GALNT2: variants seen among roughly 807,000 people sequenced by gnomAD.
GALNT2 encodes the protein UDP-GalNAc:polypeptide N-acetylgalactosaminyltransferase 2.
In GALNT2, 31 loss-of-function variants were observed where a neutral mutation model predicts 81.4. The ratio of observed to expected loss-of-function variants is 0.38; its 90% CI spans 0.29 to 0.51. The LOEUF (loss-of-function observed/expected upper bound fraction) is 0.51, where lower values mean the gene tolerates loss of function less well. Ranked by LOEUF, GALNT2 falls within the 20% of genes least tolerant of loss-of-function variation. GALNT2 has a pLI of 0.87. For synonymous variants in GALNT2, 303 were observed against 287.4 expected, an observed-to-expected ratio of 1.05 and a Z score of -0.55; for missense variants, 629 against 765.7, an observed-to-expected ratio of 0.82 and a Z score of 2.11.
intron 3 of GALNT2, among the ~76,000 whole-genome samples, chr1:230,235,796 ATCGT>A (rs972439176): frequency 1.1e-4 from 16 of 152,264 alleles, no homozygotes; most frequent in African/African-American, 3.9e-4. Flanking sequence ...TTTTGCCGAA[ATCGT>A]TCATCTCTCA....
rs183359141 is a variant in GALNT2, at chr1:230,153,790, C to T, written c.127-24428C>T. Among the ~76,000 whole-genome samples the T allele has an allele frequency of 1.9e-4, 29 of 152,332 alleles. No individual in the cohort carries two copies. The East Asian group carries it at 4.8e-3, about 25-fold the overall frequency. On this transcript the variant is annotated intron_variant, in intron 1 of 15. Coordinates refer to ENST00000366672, the MANE Select transcript of GALNT2 (RefSeq NM_004481.5). Reference sequence around the variant, plus strand: ...ACAGCCTTTGTTCCCACTCCTGGGCCTCCTGGCGTGGCCTCGGGGGCCCCT... The same window carrying T: ...ACAGCCTTTGTTCCCACTCCTGGGCTTCCTGGCGTGGCCTCGGGGGCCCCT...
At chr1:230,087,991 C>G (rs985859733) in intron 1 of GALNT2, among the ~76,000 whole-genome samples, 4 of 152,124 alleles carry the variant, frequency 2.6e-5, no homozygotes, top group African/African-American at 7.2e-5. Context: ...CTTACAGGCT[C>G]TTGGCTAAAT....
rs564681409 is a variant in GALNT2 at position 230,222,031 on chromosome 1, CT to C, written c.375-13970del. ...TTTATATACATTTCACTGCTTTTCTCTTTTTTTTTTTTTGAGACAGAGTCTT... is the reference window on the plus strand; with the variant it reads ...TTTATATACATTTCACTGCTTTTCTCTTTTTTTTTTTTGAGACAGAGTCTT... On this transcript the variant is annotated intron_variant, in intron 3 of 15. Transcript: ENST00000366672. 9.0e-4 allele frequency among the ~76,000 whole-genome samples: 86 copies of C among 96,040 alleles called. 1 individual carries two copies. The highest frequency in any genetic ancestry group is 1.2e-3 in the Admixed American group (9 of 7,714). The allele number at this position is 96,040 out of a possible 152,430, so 63.0% of individuals were successfully genotyped here.
chr1:230,235,577 T>C (rs1346606593), intron 3 of GALNT2, among the ~76,000 whole-genome samples: 1 of 152,174 alleles, frequency 6.6e-6, no homozygotes, highest in Non-Finnish European at 1.5e-5. Context: ...GTTCCAAATA[T>C]CACCGGAGTA....
chr1:230,111,059 T>C (rs880328), intron 1 of GALNT2, among the ~76,000 whole-genome samples: 65,262 of 152,174 alleles, frequency 0.43, 14,009 homozygotes, highest in South Asian at 0.53. Flanking sequence ...TATTTGTGTG[T>C]GTGTACATAC....
intron 1 of GALNT2, among the ~76,000 whole-genome samples, chr1:230,059,790 T>C (rs2102731784): frequency 6.6e-6 from 1 of 152,338 alleles, no homozygotes; most frequent in Middle Eastern, 3.4e-3. Context: ...CTTTTTTTTA[T>C]CATTCTCTCT....
intron 1 of GALNT2, among the ~76,000 whole-genome samples, chr1:230,147,563 GCTTTT>G (rs904121615): frequency 6.6e-6 from 1 of 152,212 alleles, no homozygotes; most frequent in African/African-American, 2.4e-5. Flanking sequence ...TCCCGCGGGG[GCTTTT>G]CTTTTCTTCT....
intron 14 of GALNT2, among the ~76,000 whole-genome samples, chr1:230,274,217 A>T (rs1055810403): frequency 6.6e-6 from 1 of 152,258 alleles, no homozygotes; most frequent in East Asian, 1.9e-4. Context: ...GCACTTCTGC[A>T]CATCACTCAG....
At chr1:230,274,978 A>G (rs910820105) in intron 15 of GALNT2, among the ~76,000 whole-genome samples, 2 of 151,878 alleles carry the variant, frequency 1.3e-5, no homozygotes, top group Non-Finnish European at 1.5e-5. Context: ...ACATATATAT[A>G]CATGCTACAT....
At chr1:230,116,711 T>A (rs1466886958) in intron 1 of GALNT2, among the ~76,000 whole-genome samples, 2 of 152,170 alleles carry the variant, frequency 1.3e-5, no homozygotes, top group Non-Finnish European at 2.9e-5. Flanking sequence ...CAGGAGTATA[T>A]ATTTTTTTTC....
chr1:230,244,720 C>T, intron 7 of GALNT2, among the ~76,000 whole-genome samples: 1 of 152,162 alleles, frequency 6.6e-6, no homozygotes, highest in East Asian at 1.9e-4. Flanking sequence ...TAGATTATAT[C>T]CTTTAACTCA....
At chr1:230,153,429 CTT>C in intron 1 of GALNT2, among the ~76,000 whole-genome samples, 1 of 152,176 alleles carries the variant, frequency 6.6e-6, no homozygotes, top group African/African-American at 2.4e-5. Flanking sequence ...TTAAGGGTCT[CTT>C]TGCGTTTTTA....
At chr1:230,149,883 G>A (rs893392171) in intron 1 of GALNT2, among the ~76,000 whole-genome samples, 14 of 152,078 alleles carry the variant, frequency 9.2e-5, no homozygotes, top group South Asian at 4.2e-4. Flanking sequence ...CAGATTTGCC[G>A]AATTGTTTCA....
At chr1:230,211,694 G>A (rs1307463082) in intron 3 of GALNT2, among the ~76,000 whole-genome samples, 1 of 152,142 alleles carries the variant, frequency 6.6e-6, no homozygotes, top group African/African-American at 2.4e-5. Context: ...GGTCACTCGA[G>A]CCCAGAAGTT....
chr1:230,133,951 T>A (rs1661451981), intron 1 of GALNT2, among the ~76,000 whole-genome samples: 1 of 152,204 alleles, frequency 6.6e-6, no homozygotes, highest in Admixed American at 6.5e-5. Flanking sequence ...TTTATGTAGT[T>A]AAATTCTCAT....
intron 1 of GALNT2, among the ~76,000 whole-genome samples, chr1:230,145,415 C>G (rs1465543781): frequency 6.6e-6 from 1 of 152,246 alleles, no homozygotes; most frequent in East Asian, 1.9e-4. Flanking sequence ...CCAAGGGAAG[C>G]TCCCCCAAAG....
chr1:230,129,350 C>T (rs1432532624), intron 1 of GALNT2, among the ~76,000 whole-genome samples: 1 of 152,184 alleles, frequency 6.6e-6, no homozygotes, highest in East Asian at 1.9e-4. Flanking sequence ...TGAGATCTTG[C>T]TCTGTCACCC....
chr1:230,108,852 A>G (rs1286568504), intron 1 of GALNT2, among the ~76,000 whole-genome samples: 1 of 149,364 alleles, frequency 6.7e-6, no homozygotes, highest in Non-Finnish European at 1.5e-5. Flanking sequence ...CCGACCGCAT[A>G]TCGCTAGCCC....
intron 2 of GALNT2, among the ~76,000 whole-genome samples, chr1:230,191,843 G>GC (rs1663536774): frequency 6.6e-6 from 1 of 152,210 alleles, no homozygotes; most frequent in Admixed American, 6.5e-5. Flanking sequence ...ATCTGAGGAA[G>GC]CCCCCACCAA....
Sources: allele counts gnomAD v4.1 joint callset (sites outside exome capture counted in the v4.1 genomes callset), GRCh38; gene constraint gnomAD v4.1.1; transcripts MANE v1.5; gene names NCBI Gene and HGNC (gene_info 2026-07-23, HGNC 2026-07-21).